PGM3: variants seen among roughly 807,000 people sequenced by gnomAD.
PGM3 encodes phosphoglucomutase 3.
Under a neutral mutation model 66.2 loss-of-function variants are expected in PGM3, and 40 were observed. The ratio of observed to expected loss-of-function variants is 0.60; its 90% confidence interval spans 0.47 to 0.79. PGM3 has a LOEUF of 0.79. Among genes scored for constraint, PGM3 ranks in the 30% least tolerant of loss-of-function variants. The pLI, the probability that PGM3 is intolerant of heterozygous loss-of-function variation, is 0.00. For synonymous variants in PGM3, 191 were observed against 224.2 expected (o/e 0.85, Z 1.32); for missense variants, 537 against 643.4 (o/e 0.83, Z 1.79).
rs1430611302 is a variant in PGM3, at chr6:83,190,999, G to C, written c.14C>G (p.Ala5Gly). 4 of 1,612,564 alleles carry C rather than the reference G, an allele frequency of 2.5e-6. No homozygotes were observed. The Admixed American group carries it at 5.0e-5, about 20-fold the overall frequency. ...GTGTAATGCTGAGTATTTTGTAATA[G>C]CACCTAAATCCATGTCTACAAAATT... MDLG[A>G]ITKYSALHAK... Residue 5 changes from alanine (A) to glycine (G), a missense_variant, in exon 2 of 13, where the codon GCT becomes GGT. Coordinates refer to ENST00000513973, the MANE Select transcript of PGM3 (RefSeq NM_015599.3).
rs558401927 is a variant in PGM3, at chr6:83,164,990, CCT to C, written c.*4242_*4243del. On this transcript the variant is annotated 3_prime_UTR_variant, in exon 13 of 13. Transcript: ENST00000513973. ...CTTGGTCAAGAGCTTAATAAAAGTC[CCT>C]CTCTTAAAGGCTCATCTTGATAGGA... 75 of 356,082 alleles carry C rather than the reference CCT, an allele frequency of 2.1e-4. No homozygotes were observed. The highest frequency in any genetic ancestry group is 3.5e-4 in the Non-Finnish European group (69 of 198,282). 22.1% of individuals were successfully genotyped at this position (356,082 alleles called of 1,614,324 possible).
At chr6:83,191,984 A>T (rs1481650968) in intron 1 of PGM3, among the ~76,000 whole-genome samples, 1 of 120,980 alleles carries the variant, frequency 8.3e-6, no homozygotes, top group Admixed American at 8.7e-5. Context: ...AAAAAAAAAC[A>T]GGCCAGGTGA....
chr6:83,191,902 T>G (rs1005802270), intron 1 of PGM3, among the ~76,000 whole-genome samples: 1 of 134,970 alleles, frequency 7.4e-6, no homozygotes, highest in Admixed American at 8.7e-5. Flanking sequence ...GAGGTTGCAG[T>G]GAGCCGAGAT....
At chr6:83,180,540 A>T (rs948816239) in intron 6 of PGM3, among the ~76,000 whole-genome samples, 22 of 152,218 alleles carry the variant, frequency 1.4e-4, no homozygotes, top group African/African-American at 5.3e-4. Context: ...TGACAGCAGC[A>T]GAGTGACAAA....
chr6:83,167,183 A>C lies in PGM3; in HGVS notation c.*2051T>G, dbSNP rs569311282. ...GACTGTCCCATTTTATAAGTGAGGAACCTTTGTATATCCTGCCCAAGGGTG... is the reference window on the plus strand; with the variant it reads ...GACTGTCCCATTTTATAAGTGAGGACCCTTTGTATATCCTGCCCAAGGGTG... On this transcript the variant is annotated 3_prime_UTR_variant, in exon 13 of 13. Coordinates refer to ENST00000513973, the MANE Select transcript of PGM3 (RefSeq NM_015599.3). 1.1e-5 allele frequency: 10 copies of C among 884,106 alleles called. No individual in the cohort carries two copies. The highest frequency in any genetic ancestry group is 6.2e-5 in the Admixed American group (1 of 16,132). The allele number at this position is 884,106 out of a possible 1,614,324, so 54.8% of individuals were successfully genotyped here.
At chr6:83,153,965 G>A in the PGM3 span, 1 of 1,613,954 alleles carries the variant, frequency 6.2e-7, no homozygotes, top group Non-Finnish European at 8.5e-7. Context: ...CAGTACACAC[G>A]GAGAGCTTGG....
In PGM3 at chr6:83,188,739, C is replaced by T. The variant is rs754050125; in HGVS notation, c.264G>A (p.Glu88=). The change falls in exon 3 of 13, where the codon GAG becomes GAA. Residue 88 remains glutamate (E), a synonymous_variant. Coordinates refer to ENST00000513973, the MANE Select transcript of PGM3 (RefSeq NM_015599.3). ...PLGEMLAPSW[E]EHATCLANAE... is the part of the protein sequence containing the mutation. ...CATTTGCTAAACAGGTGGCATGTTC[C>T]TCCCAGGATGGTGCCAACATTTCAC... The T allele has an allele frequency of 1.9e-6, 3 of 1,613,982 alleles. No homozygotes were observed. In the East Asian group the frequency reaches 6.7e-5, roughly 36 times the overall value.
chr6:83,167,202 A>T lies in PGM3; in HGVS notation c.*2032T>A. The T allele has an allele frequency of 1.1e-6, 1 of 903,502 alleles. No individual in the cohort carries two copies. The highest frequency in any genetic ancestry group is 1.3e-6 in the Non-Finnish European group (1 of 754,998). The allele number at this position is 903,502 out of a possible 1,614,324, so 56.0% of individuals were successfully genotyped here. A position where few individuals can be genotyped will look rare whatever the true frequency, so the allele number is the denominator to read the frequency against. The stretch of plus-strand genomic sequence containing the variant: ...TGAGGAACCTTTGTATATCCTGCCC[A>T]AGGGTGCCGTAAGTATGGCAGAGCC... On this transcript the variant is annotated 3_prime_UTR_variant, in exon 13 of 13. Transcript: ENST00000513973.
At chr6:83,151,013 G>A in the PGM3 span, among the ~76,000 whole-genome samples, 1 of 152,022 alleles carries the variant, frequency 6.6e-6, no homozygotes, top group Non-Finnish European at 1.5e-5. Context: ...CACCACAGAT[G>A]GATTTTGCCT....
chr6:83,188,523 T>G, intron 3 of PGM3, 91 bp downstream of exon 3: 1 of 1,057,124 alleles, frequency 9.5e-7, no homozygotes, highest in Non-Finnish European at 1.4e-6. Flanking sequence ...TCCACTTTAC[T>G]TCTTTCCATT....
chr6:83,160,005 T>C (rs1783858215), downstream of PGM3: 12 of 1,595,032 alleles, frequency 7.5e-6, no homozygotes, highest in Non-Finnish European at 1.0e-5. Flanking sequence ...TGAAAGTGCA[T>C]TTGCTTTGGT....
intron 5 of PGM3, among the ~76,000 whole-genome samples, chr6:83,182,494 G>C (rs1788247470): frequency 6.6e-6 from 1 of 152,078 alleles, no homozygotes. Flanking sequence ...AATATACCTA[G>C]AAGAAAATCT....
At chr6:83,149,424 G>A in the PGM3 span, among the ~76,000 whole-genome samples, 1 of 152,186 alleles carries the variant, frequency 6.6e-6, no homozygotes, top group South Asian at 2.1e-4. Context: ...AATAGAGGTG[G>A]TGGGCACAGA....
chr6:83,152,489 T>G, the PGM3 span: 1 of 415,110 alleles, frequency 2.4e-6, no homozygotes. Context: ...TAGAAATCAC[T>G]ATATAGAATT....
At chr6:83,187,790 G>A (rs961650657) in intron 3 of PGM3, among the ~76,000 whole-genome samples, 11 of 152,056 alleles carry the variant, frequency 7.2e-5, no homozygotes, top group African/African-American at 1.7e-4. Context: ...GTGACAGAGC[G>A]AGACTCCGTA....
chr6:83,171,293 T>A (rs1583250696), intron 11 of PGM3: 1 of 152,284 alleles, frequency 6.6e-6, no homozygotes. Flanking sequence ...CATTTATATC[T>A]ATTTTTAATT....
At chr6:83,171,587 T>A (rs1310971150) in intron 11 of PGM3, among the ~76,000 whole-genome samples, 1 of 152,174 alleles carries the variant, frequency 6.6e-6, no homozygotes, top group Non-Finnish European at 1.5e-5. Context: ...GCCTCCCAGG[T>A]TCAAGTGATT....
intron 9 of PGM3, among the ~76,000 whole-genome samples, chr6:83,175,533 A>AAATTGTAAATGTAAAAATTTTAAT (rs1787696821): frequency 6.6e-6 from 1 of 152,222 alleles, no homozygotes; most frequent in Non-Finnish European, 1.5e-5. Context: ...ATGTAATTTT[A>AAATTGTAAATGTAAAAATTTTAAT]TGTAAAATGT....
downstream of PGM3, among the ~76,000 whole-genome samples, chr6:83,159,298 G>T (rs1308001152): frequency 6.6e-6 from 1 of 151,776 alleles, no homozygotes; most frequent in Non-Finnish European, 1.5e-5. Context: ...TTTTTAGACA[G>T]GGTCTCATCT....
Sources: gnomAD v4.1 joint callset for allele counts (sites outside exome capture counted in the v4.1 genomes callset) on GRCh38, gnomAD v4.1.1 for gene constraint, MANE v1.5 for transcripts, NCBI Gene and HGNC (gene_info 2026-07-23, HGNC 2026-07-21) for gene names.